Variants in ALPK2 observed in about 807,000 individuals in gnomAD.
ALPK2 encodes alpha-protein kinase 2.
In ALPK2, 127 loss-of-function variants were observed where a neutral mutation model predicts 163.1. The ratio of observed to expected loss-of-function variants is 0.78; its 90% CI spans 0.67 to 0.90. ALPK2 has a LOEUF of 0.90. Ranked by LOEUF, ALPK2 falls within the 40% of genes least tolerant of loss-of-function variation. The pLI is 0.00. For missense variants in ALPK2, 2,360 were observed against 2,589.6 expected (o/e 0.91, Z 1.92); for synonymous variants, 953 against 959.1 (o/e 0.99, Z 0.12).
chr18:58,540,845 G>C (rs950988962), intron 4 of ALPK2, among the ~76,000 whole-genome samples: 4 of 152,206 alleles, frequency 2.6e-5, no homozygotes, highest in Non-Finnish European at 4.4e-5. Flanking sequence ...AAGGGCTTCA[G>C]TTAAAAAGTT....
At chr18:58,487,161 A>G (rs7239251) in intron 12 of ALPK2, among the ~76,000 whole-genome samples, 115,078 of 152,072 alleles carry the variant, frequency 0.76, 43,918 homozygotes, top group East Asian at 0.99. Context: ...TGGAAATCAC[A>G]TCATTACAGA....
Position 58,607,474 on chromosome 18 carries a change from T to G in ALPK2, c.110-35A>C, listed in dbSNP as rs752038088. 3.6e-6 allele frequency: 5 copies of G among 1,402,260 alleles called. No homozygotes were observed. In the South Asian group the frequency reaches 3.9e-5, roughly 11 times the overall value. The allele number at this position is 1,402,260 out of a possible 1,614,324, so 86.9% of individuals were successfully genotyped here. ...AAGAAAGAAAAGTATCCTTATTAGT[T>G]TAAGTATTTTTAGGAAAAAAAAAAA... On this transcript the variant is annotated intron_variant, in intron 2 of 12. Coordinates refer to ENST00000361673, the MANE Select transcript of ALPK2 (RefSeq NM_052947.4).
intron 10 of ALPK2, chr18:58,512,276 C>G (rs2051494102): frequency 1.3e-5 from 2 of 152,270 alleles, no homozygotes; most frequent in South Asian, 4.1e-4. Context: ...TATTCAGGGT[C>G]TTAATTAGGC....
chr18:58,574,896 G>A (rs764075519), intron 4 of ALPK2, among the ~76,000 whole-genome samples: 1 of 152,280 alleles, frequency 6.6e-6, no homozygotes, highest in Non-Finnish European at 1.5e-5. Context: ...GCCATAAAGT[G>A]GTGGAGACCA....
intron 8 of ALPK2, among the ~76,000 whole-genome samples, chr18:58,521,892 G>A (rs1412554197): frequency 6.6e-6 from 1 of 151,952 alleles, no homozygotes; most frequent in Non-Finnish European, 1.5e-5. Context: ...CTTCCAAAGT[G>A]CTGGGATTAC....
At chr18:58,500,428 A>G (rs904093702) in intron 11 of ALPK2, among the ~76,000 whole-genome samples, 1 of 152,224 alleles carries the variant, frequency 6.6e-6, no homozygotes, top group African/African-American at 2.4e-5. Context: ...TGTCACTTAC[A>G]GTTTAGAAAG....
Position 58,489,423 on chromosome 18 carries a change from C to T in ALPK2, c.6297-7384G>A, listed in dbSNP as rs553978725. Among the ~76,000 whole-genome samples the T allele has an allele frequency of 1.1e-4, 16 of 152,250 alleles. No homozygotes were observed. The East Asian group carries it at 1.5e-3, about 15-fold the overall frequency. ...TAGGCTTGGTATGGTAGGTAGCTCA[C>T]GCCTGTAATCCCAGCACTTTGAGAG... On this transcript the variant is annotated intron_variant, in intron 12 of 12. Transcript: ENST00000361673.
intron 1 of ALPK2, among the ~76,000 whole-genome samples, chr18:58,618,263 T>G (rs1204539173): frequency 6.6e-6 from 1 of 152,108 alleles, no homozygotes; most frequent in Non-Finnish European, 1.5e-5. Flanking sequence ...GCCAGGCTGG[T>G]CTCGAACTCC....
At chr18:58,504,294 C>T (rs1417192476) in intron 10 of ALPK2, 146 bp from the exon 11 acceptor site, 2 of 648,506 alleles carry the variant, frequency 3.1e-6, no homozygotes, top group African/African-American at 1.8e-5. Context: ...CATCCAATGA[C>T]TTTTTAGTGG....
intron 8 of ALPK2, among the ~76,000 whole-genome samples, chr18:58,519,019 T>G (rs907492046): frequency 6.6e-6 from 1 of 152,244 alleles, no homozygotes; most frequent in African/African-American, 2.4e-5. Context: ...TTATGAGGAC[T>G]GAAGAATAAA....
chr18:58,587,547 A>T (rs1303999488), intron 3 of ALPK2, among the ~76,000 whole-genome samples: 1 of 152,236 alleles, frequency 6.6e-6, no homozygotes, highest in Non-Finnish European at 1.5e-5. Flanking sequence ...AAGACATAGA[A>T]ATTATACATA....
intron 3 of ALPK2, among the ~76,000 whole-genome samples, chr18:58,601,557 C>T (rs77780301): frequency 0.018 from 2,762 of 152,286 alleles, 49 homozygotes; most frequent in East Asian, 0.09. Context: ...TGAGGCCCTG[C>T]AGCTCCGTGA....
intron 3 of ALPK2, among the ~76,000 whole-genome samples, chr18:58,587,526 G>A (rs138698182): frequency 2.6e-5 from 4 of 152,076 alleles, no homozygotes; most frequent in African/African-American, 9.7e-5. Context: ...TATGAGAATG[G>A]TGTTTCAATA....
At chr18:58,556,367 A>G (rs1484669912) in intron 4 of ALPK2, among the ~76,000 whole-genome samples, 1 of 152,250 alleles carries the variant, frequency 6.6e-6, no homozygotes, top group Non-Finnish European at 1.5e-5. Context: ...AACCTCATCG[A>G]TAGAGACAGA....
At chr18:58,523,159 C>T (rs36184965) in intron 8 of ALPK2, among the ~76,000 whole-genome samples, 5,223 of 145,004 alleles carry the variant, frequency 0.036, 103 homozygotes, top group Non-Finnish European at 0.046. Context: ...TGAGAACATG[C>T]GGTGTTTGGT....
chr18:58,553,859 T>TGG (rs1937597185), intron 4 of ALPK2, among the ~76,000 whole-genome samples: 1 of 120,856 alleles, frequency 8.3e-6, no homozygotes, highest in Admixed American at 8.2e-5. Flanking sequence ...GGTTTTTTTT[T>TGG]TTTTTTTTTT....
At chr18:58,613,707 A>AT (rs1568101726) in intron 1 of ALPK2, among the ~76,000 whole-genome samples, 313 of 97,128 alleles carry the variant, frequency 3.2e-3, no homozygotes, top group Admixed American at 7.0e-3. Flanking sequence ...TCAAAAAAAA[A>AT]AAATAATAAT....
chr18:58,624,900 G>A (rs2144245502), intron 1 of ALPK2, among the ~76,000 whole-genome samples: 1 of 152,332 alleles, frequency 6.6e-6, no homozygotes, highest in Non-Finnish European at 1.5e-5. Context: ...GTAATGGATT[G>A]AAGATTAAAT....
At chr18:58,611,868 G>A in intron 1 of ALPK2, 51 bp from the exon 2 acceptor site, 1 of 1,190,958 alleles carries the variant, frequency 8.4e-7, no homozygotes, top group South Asian at 1.5e-5. Context: ...GGATTTCTCT[G>A]GCCTTCTTAG....
Sources: gnomAD v4.1 joint callset for allele counts (sites outside exome capture counted in the v4.1 genomes callset) on GRCh38, gnomAD v4.1.1 for gene constraint, MANE v1.5 for transcripts, NCBI Gene and HGNC (gene_info 2026-07-23, HGNC 2026-07-21) for gene names.